Variants in PIK3C2G observed in about 807,000 individuals in gnomAD.
PIK3C2G encodes phosphatidylinositol 3-kinase C2 domain-containing subunit gamma.
Under a neutral mutation model 181.1 loss-of-function variants are expected in PIK3C2G, and 168 were observed. The observed-to-expected ratio is 0.93, with a 90% CI of 0.82 to 1.05. The LOEUF (loss-of-function observed/expected upper bound fraction) is 1.05. PIK3C2G is among the 50% of genes least tolerant of loss of function. PIK3C2G has a pLI of 0.00. For missense variants in PIK3C2G, 1,869 were observed against 1,732.8 expected (o/e 1.08, Z -1.40); for synonymous variants, 573 against 592.2 (o/e 0.97, Z 0.47).
intron 32 of PIK3C2G, among the ~76,000 whole-genome samples, chr12:18,644,253 C>A (rs1949999166): frequency 6.6e-6 from 1 of 151,990 alleles, no homozygotes; most frequent in Admixed American, 6.6e-5. Context: ...GGGTCTGGGG[C>A]TGGGGGTGTG....
At chr12:18,508,256 A>G (rs1035237178) in intron 24 of PIK3C2G, among the ~76,000 whole-genome samples, 3 of 152,164 alleles carry the variant, frequency 2.0e-5, no homozygotes, top group Non-Finnish European at 2.9e-5. Context: ...TCCTTGGATT[A>G]CTTTCTCAAT....
chr12:18,690,025 C>T, the PIK3C2G span, among the ~76,000 whole-genome samples: 1 of 152,140 alleles, frequency 6.6e-6, no homozygotes, highest in Non-Finnish European at 1.5e-5. Flanking sequence ...AGAATACAAA[C>T]GTGGCACTTG....
chr12:18,321,009 T>C lies in PIK3C2G; in HGVS notation c.1185T>C (p.Phe395=). ...SQFYLNQLLE[F]MHIWKVSRQC... The stretch of plus-strand genomic sequence containing the variant: ...TTTATCTGAATCAACTTCTAGAATT[T>C]ATGCATATTTGGAAAGTATCCAGGT... The change falls in exon 7 of 33, where the codon TTT becomes TTC. Residue 395 remains phenylalanine, a synonymous_variant. Coordinates refer to ENST00000538779, the MANE Select transcript of PIK3C2G (RefSeq NM_001288772.2). The C allele has an allele frequency of 6.4e-7, 1 of 1,562,074 alleles. No homozygotes were observed. The highest frequency in any genetic ancestry group is 1.7e-5 in the Admixed American group (1 of 59,066).
At chr12:18,268,005 A>C (rs1948580488) in intron 1 of PIK3C2G, among the ~76,000 whole-genome samples, 1 of 152,208 alleles carries the variant, frequency 6.6e-6, no homozygotes, top group African/African-American at 2.4e-5. Context: ...GCTGTGCAAC[A>C]GATCAACCTT....
intron 24 of PIK3C2G, among the ~76,000 whole-genome samples, chr12:18,526,128 A>C (rs980781723): frequency 4.6e-5 from 7 of 152,212 alleles, no homozygotes; most frequent in African/African-American, 1.7e-4. Flanking sequence ...TTCCCAATTT[A>C]AAACTATCTT....
intron 18 of PIK3C2G, among the ~76,000 whole-genome samples, chr12:18,462,913 G>A (rs1011411851): frequency 6.6e-6 from 1 of 150,694 alleles, no homozygotes; most frequent in African/African-American, 2.4e-5. Context: ...CTTTTCAATG[G>A]TTTGCAAACA....
intron 31 of PIK3C2G, among the ~76,000 whole-genome samples, chr12:18,618,782 C>T (rs1307363197): frequency 1.3e-5 from 2 of 152,022 alleles, no homozygotes; most frequent in Non-Finnish European, 2.9e-5. Flanking sequence ...AACAAATGTA[C>T]ATTTAAAGAC....
chr12:18,318,701 T>G (rs1157327229), intron 6 of PIK3C2G, among the ~76,000 whole-genome samples: 1 of 151,846 alleles, frequency 6.6e-6, no homozygotes, highest in Non-Finnish European at 1.5e-5. Flanking sequence ...CAAAGCTCAA[T>G]TCATCTTAGA....
At chr12:18,478,725 C>G (rs1939247513) in intron 18 of PIK3C2G, among the ~76,000 whole-genome samples, 1 of 152,142 alleles carries the variant, frequency 6.6e-6, no homozygotes, top group African/African-American at 2.4e-5. Flanking sequence ...TGCCTGTAAT[C>G]CCAACACTTT....
rs79763241 is a variant in PIK3C2G at position 18,544,442 on chromosome 12, A to T, written c.3481-1881A>T. 2.1e-3 allele frequency among the ~76,000 whole-genome samples: 312 copies of T among 151,922 alleles called. 7 individuals are homozygous for T. The East Asian group carries it at 0.048, about 24-fold the overall frequency. ...GTAATTAAAGAGATAAGGATTGGAGAACAAGATAAAAGTTATTCAAGATAT... is the reference window on the plus strand; with the variant it reads ...GTAATTAAAGAGATAAGGATTGGAGTACAAGATAAAAGTTATTCAAGATAT... On this transcript the variant is annotated intron_variant, in intron 25 of 32. Transcript: ENST00000538779.
At chr12:18,597,754 G>A (rs1338091977) in intron 30 of PIK3C2G, among the ~76,000 whole-genome samples, 4 of 151,758 alleles carry the variant, frequency 2.6e-5, no homozygotes, top group Admixed American at 6.6e-5. Flanking sequence ...AAACCCCATT[G>A]TCTCAGCCCA....
chr12:18,551,591 G>A (rs560743246), intron 26 of PIK3C2G, among the ~76,000 whole-genome samples: 28 of 152,158 alleles, frequency 1.8e-4, no homozygotes, highest in Non-Finnish European at 2.9e-4. Flanking sequence ...AGCTAAAACT[G>A]AAGCCAGCTT....
intron 18 of PIK3C2G, among the ~76,000 whole-genome samples, chr12:18,474,243 C>T (rs1487396356): frequency 3.9e-5 from 6 of 152,254 alleles, no homozygotes; most frequent in East Asian, 3.9e-4. Context: ...AAAAGTCACA[C>T]AGCCTTTAAA....
At chr12:18,320,036 CA>C (rs1951037618) in intron 6 of PIK3C2G, 1 of 152,064 alleles carries the variant, frequency 6.6e-6, no homozygotes, top group South Asian at 2.1e-4. Flanking sequence ...CAAAACAAAC[CA>C]ATATAAAAAT....
chr12:18,372,220 CGT>C (rs1942117286), intron 13 of PIK3C2G, among the ~76,000 whole-genome samples: 1 of 150,750 alleles, frequency 6.6e-6, no homozygotes, highest in Non-Finnish European at 1.5e-5. Context: ...TGTGTGGGCA[CGT>C]GTGTGTGTGT....
chr12:18,516,359 G>T (rs563439956), intron 24 of PIK3C2G, among the ~76,000 whole-genome samples: 4 of 151,446 alleles, frequency 2.6e-5, no homozygotes, highest in South Asian at 2.1e-4. Context: ...GCTGGATTGA[G>T]TCTCGGCTAA....
intron 1 of PIK3C2G, among the ~76,000 whole-genome samples, chr12:18,263,013 C>A (rs986137850): frequency 4.6e-5 from 7 of 151,926 alleles, no homozygotes; most frequent in African/African-American, 1.4e-4. Context: ...TAGCAATAGA[C>A]CTTTTATGAC....
At chr12:18,253,012 C>G (rs922549113) in intron 1 of PIK3C2G, among the ~76,000 whole-genome samples, 3 of 152,070 alleles carry the variant, frequency 2.0e-5, no homozygotes, top group Admixed American at 2.0e-4. Flanking sequence ...TGGAAATGTT[C>G]CATATCCTGA....
intron 1 of PIK3C2G, among the ~76,000 whole-genome samples, chr12:18,270,904 A>G (rs747664408): frequency 1.3e-5 from 2 of 152,230 alleles, no homozygotes; most frequent in Non-Finnish European, 2.9e-5. Flanking sequence ...GAAGAGTGAC[A>G]GTATCTCAAT....
Sources: gnomAD v4.1 joint callset for allele counts (sites outside exome capture counted in the v4.1 genomes callset) on GRCh38, gnomAD v4.1.1 for gene constraint, MANE v1.5 for transcripts, NCBI Gene and HGNC (gene_info 2026-07-23, HGNC 2026-07-21) for gene names.